GREB1: variants seen among roughly 807,000 people sequenced by gnomAD.
GREB1 encodes protein GREB1.
A neutral mutation model predicts 200.7 loss-of-function variants in GREB1; 106 were observed. That is an observed-to-expected ratio of 0.53 (90% CI 0.45 to 0.62). The LOEUF (loss-of-function observed/expected upper bound fraction) is 0.62. Among genes scored for constraint, GREB1 ranks in the 20% least tolerant of loss-of-function variants. The probability of loss-of-function intolerance (pLI) is 0.00; values close to 1 mark genes in which losing one functional copy is unlikely to be tolerated. For missense variants in GREB1, 2,243 were observed against 2,556.8 expected (o/e 0.88, Z 2.65); for synonymous variants, 1,132 against 1,092.4 (o/e 1.04, Z -0.72).
chr2:11,510,731 C>G (rs900525468), intron 1 of GREB1, among the ~76,000 whole-genome samples: 1 of 149,046 alleles, frequency 6.7e-6, no homozygotes, highest in African/African-American at 2.5e-5. Context: ...CTCTTGTCAC[C>G]CAGGCTGGAA....
At chr2:11,541,381 C>A (rs1674726418) in intron 1 of GREB1, among the ~76,000 whole-genome samples, 1 of 152,064 alleles carries the variant, frequency 6.6e-6, no homozygotes, top group Admixed American at 6.6e-5. Context: ...GGGTATCACA[C>A]CGCTTGAGGC....
At position 11,640,320 on chromosome 2, in the gene GREB1, C is replaced by T. The variant is rs199590535; in HGVS notation, c.5716C>T (p.Arg1906Trp). The change falls in exon 33 of 33, where the codon CGG (arginine) becomes TGG (tryptophan). Residue 1906 changes from arginine to tryptophan, a missense_variant. Coordinates refer to ENST00000381486, the MANE Select transcript of GREB1 (RefSeq NM_014668.4). This position sits in a 1 kb window ranked among gnomAD's most constrained non-coding sequence, Gnocchi z 4.6. ...GATLCVICQD[R>W]SSLRQTVVRL... ...GACGTTGTGTGTCATCTGTCAGGACCGGAGCTCACTGCGCCAGACGGTCGT... is the reference window on the plus strand; with the variant it reads ...GACGTTGTGTGTCATCTGTCAGGACTGGAGCTCACTGCGCCAGACGGTCGT... 2.5e-5 allele frequency: 40 copies of T among 1,613,892 alleles called. No individual in the cohort carries two copies. Among genetic ancestry groups the T allele is most frequent in the Non-Finnish European group, 3.3e-5 (39 of 1,179,960 alleles).
chr2:11,487,038 T>C (rs1369081213), intron 1 of GREB1, among the ~76,000 whole-genome samples: 1 of 152,238 alleles, frequency 6.6e-6, no homozygotes, highest in African/African-American at 2.4e-5. Flanking sequence ...TTTAATGTAA[T>C]ATATTATGGA....
At chr2:11,630,527 A>G (rs916893039) in intron 26 of GREB1, among the ~76,000 whole-genome samples, 2 of 152,156 alleles carry the variant, frequency 1.3e-5, no homozygotes, top group African/African-American at 4.8e-5. Flanking sequence ...AGGCTTAGGT[A>G]GATAGGACAG....
chr2:11,486,366 G>A (rs748862368), intron 1 of GREB1, among the ~76,000 whole-genome samples: 3 of 152,052 alleles, frequency 2.0e-5, no homozygotes, highest in Admixed American at 6.6e-5. Flanking sequence ...ATGTTGCCCA[G>A]GCTGGTCTTA....
chr2:11,586,599 G>A (rs545232308), intron 9 of GREB1, among the ~76,000 whole-genome samples: 38 of 152,170 alleles, frequency 2.5e-4, no homozygotes, highest in Admixed American at 7.9e-4. Flanking sequence ...ATACATACAC[G>A]CGTGGGCACG....
intron 1 of GREB1, among the ~76,000 whole-genome samples, chr2:11,507,032 A>G (rs578102155): frequency 1.4e-4 from 22 of 152,378 alleles, no homozygotes; most frequent in Admixed American, 4.6e-4. Flanking sequence ...ATACAAAGAA[A>G]TTAAAACAGA....
At chr2:11,563,344 A>G (rs1394574215) in intron 3 of GREB1, among the ~76,000 whole-genome samples, 1 of 152,210 alleles carries the variant, frequency 6.6e-6, no homozygotes, top group Non-Finnish European at 1.5e-5. Context: ...GGGACCCTGT[A>G]CAGTCAGTAA....
At chr2:11,614,124 GATT>G (rs1683179858) in intron 19 of GREB1, among the ~76,000 whole-genome samples, 1 of 133,398 alleles carries the variant, frequency 7.5e-6, no homozygotes, top group Non-Finnish European at 1.5e-5. Context: ...AGCGGACTTA[GATT>G]TTTTTTTTTT....
intron 1 of GREB1, among the ~76,000 whole-genome samples, chr2:11,507,016 CTTA>C (rs754900922): frequency 2.9e-4 from 44 of 152,278 alleles, no homozygotes; most frequent in African/African-American, 1.1e-3. Context: ...TAATCAATAA[CTTA>C]TTATACAAAG....
intron 1 of GREB1, among the ~76,000 whole-genome samples, chr2:11,485,822 A>C (rs572277227): frequency 6.6e-6 from 1 of 152,310 alleles, no homozygotes; most frequent in Admixed American, 6.5e-5. Context: ...CAAAATTTGA[A>C]TTATTTAGAG....
rs750767918 is a variant in GREB1, at chr2:11,588,999, G to A, written c.1345+68G>A. The A allele has an allele frequency of 6.4e-5, 81 of 1,267,408 alleles. No homozygotes were observed. The Middle Eastern group carries it at 1.2e-3, about 18-fold the overall frequency. The allele number at this position is 1,267,408 out of a possible 1,614,324, so 78.5% of individuals were successfully genotyped here. A position where few individuals can be genotyped will look rare whatever the true frequency, so the allele number is the denominator to read the frequency against. ...ACAGCCCGAGCACAGACCTGGCCTC[G>A]GCCCTCGTGGGGGCTGACTTGGGCT... On this transcript the variant is annotated intron_variant, in intron 10 of 32. Transcript: ENST00000381486.
chr2:11,638,787 GAA>G lies in GREB1; in HGVS notation c.5668_5669del (p.Lys1890ValfsTer39). ...CDSFVGASFL[K>X]KFHFLKGATL... ...ACTCTTTTGTGGGAGCTAGCTTTTT[GAA>G]AAAGTTTCATTTTCTGAAAGGTAAC... On this transcript the variant is annotated frameshift_variant, in exon 32 of 33. Transcript: ENST00000381486. LOFTEE classifies it high-confidence loss of function. 1 of 1,613,750 alleles carries G rather than the reference GAA, an allele frequency of 6.2e-7. No homozygotes were observed. The highest frequency in any genetic ancestry group is 1.1e-5 in the South Asian group (1 of 90,992).
rs576879640 is a variant in GREB1 at position 11,566,469 on chromosome 2, A to G, written c.278-11A>G. 66 of 1,595,580 alleles carry G rather than the reference A, an allele frequency of 4.1e-5. No individual in the cohort carries two copies. In the South Asian group the frequency reaches 7.1e-4, roughly 17 times the overall value. On this transcript the variant is annotated splice_polypyrimidine_tract_variant and intron_variant, in intron 3 of 32. Coordinates refer to ENST00000381486, the MANE Select transcript of GREB1 (RefSeq NM_014668.4). ...CCTGGGCAGCGTGTGAACCCTGTCC[A>G]CCCCTCCTAGGGTTTTGCCAGGCCG...
At chr2:11,541,605 C>T (rs1314158498) in intron 1 of GREB1, among the ~76,000 whole-genome samples, 2 of 152,188 alleles carry the variant, frequency 1.3e-5, no homozygotes, top group African/African-American at 4.8e-5. Context: ...TCACCCTGCA[C>T]AGAGGCAGTC....
chr2:11,628,456 T>C (rs530270581), intron 25 of GREB1, among the ~76,000 whole-genome samples: 1 of 152,254 alleles, frequency 6.6e-6, no homozygotes, highest in Admixed American at 6.5e-5. Context: ...AGCACCTGTC[T>C]GCCTGGCCTT....
At chr2:11,541,587 C>T (rs1053160711) in intron 1 of GREB1, among the ~76,000 whole-genome samples, 2 of 152,172 alleles carry the variant, frequency 1.3e-5, no homozygotes, top group Admixed American at 6.5e-5. Context: ...CTAGGCTCCT[C>T]GTGCTACTCA....
intron 17 of GREB1, among the ~76,000 whole-genome samples, chr2:11,603,960 T>C (rs771094995): frequency 1.3e-5 from 2 of 152,224 alleles, no homozygotes; most frequent in Non-Finnish European, 2.9e-5. Flanking sequence ...CAGAGTCACA[T>C]GGGGGGTTTA....
At chr2:11,537,146 T>C (rs377447260) in intron 1 of GREB1, among the ~76,000 whole-genome samples, 5 of 152,090 alleles carry the variant, frequency 3.3e-5, no homozygotes, top group African/African-American at 1.2e-4. Flanking sequence ...CATTTTTTAG[T>C]AGACATGGGG....
Sources: gnomAD v4.1 joint callset for allele counts (sites outside exome capture counted in the v4.1 genomes callset) on GRCh38, gnomAD v4.1.1 for gene constraint, Gnocchi (gnomAD v3.1) non-coding constraint, MANE v1.5 for transcripts, NCBI Gene and HGNC (gene_info 2026-07-23, HGNC 2026-07-21) for gene names.